Variants in UST observed in about 807,000 individuals in gnomAD.
UST encodes the protein chondroitin sulfate 2-O-sulfotransferase.
Under a neutral mutation model 45.6 loss-of-function variants are expected in UST, and 21 were observed. That is an observed-to-expected ratio of 0.46 (90% CI 0.33 to 0.66). The LOEUF is 0.66. Among genes scored for constraint, UST ranks in the 30% least tolerant of loss-of-function variants. The pLI is 0.02. For synonymous variants in UST, 215 were observed against 200.6 expected (o/e 1.07, Z -0.61); for missense variants, 463 against 512.4 (o/e 0.90, Z 0.93).
At chr6:149,066,447 A>G (rs569230947) in intron 7 of UST, among the ~76,000 whole-genome samples, 1 of 152,188 alleles carries the variant, frequency 6.6e-6, no homozygotes, top group South Asian at 2.1e-4. Flanking sequence ...ACAATGAAGA[A>G]GAGGGGGTGG....
At chr6:148,803,959 C>T (rs1041217526) in intron 1 of UST, among the ~76,000 whole-genome samples, 7 of 152,224 alleles carry the variant, frequency 4.6e-5, no homozygotes, top group Non-Finnish European at 1.0e-4. Flanking sequence ...TCCATCATCT[C>T]CCTGGCTTGA....
chr6:148,818,911 C>T (rs1043775233), intron 1 of UST, among the ~76,000 whole-genome samples: 5 of 152,138 alleles, frequency 3.3e-5, no homozygotes, highest in African/African-American at 1.2e-4. Context: ...TTCCTGCTTT[C>T]CAGTGCCCAA....
chr6:148,936,610 T>C (rs1011049834), intron 2 of UST, among the ~76,000 whole-genome samples: 2 of 141,248 alleles, frequency 1.4e-5, no homozygotes, highest in Non-Finnish European at 3.0e-5. Flanking sequence ...TTGCCATCTT[T>C]CCAGAAAGTG....
intron 1 of UST, among the ~76,000 whole-genome samples, chr6:148,828,893 T>C (rs1341565843): frequency 1.3e-5 from 2 of 152,246 alleles, no homozygotes; most frequent in Non-Finnish European, 2.9e-5. Context: ...GCGGTTAACT[T>C]TTCATTAGTG....
chr6:148,961,616 A>G (rs911991341), intron 4 of UST, among the ~76,000 whole-genome samples: 1 of 152,264 alleles, frequency 6.6e-6, no homozygotes, highest in African/African-American at 2.4e-5. Context: ...AAATGTGCAT[A>G]AAAGGAAAAT....
chr6:148,784,532 C>A (rs1776702983), intron 1 of UST, among the ~76,000 whole-genome samples: 1 of 152,208 alleles, frequency 6.6e-6, no homozygotes. Flanking sequence ...GCAAATCATA[C>A]CTCTGTCTGT....
intron 1 of UST, among the ~76,000 whole-genome samples, chr6:148,822,570 T>C (rs1487666668): frequency 6.6e-6 from 1 of 152,238 alleles, no homozygotes; most frequent in Non-Finnish European, 1.5e-5. Flanking sequence ...GCATAGTCTG[T>C]AAAACCAAGC....
intron 7 of UST, among the ~76,000 whole-genome samples, chr6:149,029,127 A>C (rs1776096717): frequency 6.6e-6 from 1 of 151,996 alleles, no homozygotes; most frequent in Non-Finnish European, 1.5e-5. Context: ...AATTATGTCC[A>C]ATTTGAGGCC....
intron 1 of UST, among the ~76,000 whole-genome samples, chr6:148,869,077 A>T (rs1376264225): frequency 3.3e-5 from 5 of 152,222 alleles, no homozygotes; most frequent in Non-Finnish European, 7.3e-5. Context: ...TAAGTAGATC[A>T]CTACCTTGGG....
intron 5 of UST, among the ~76,000 whole-genome samples, chr6:148,967,814 G>A (rs1004976930): frequency 1.3e-5 from 2 of 152,338 alleles, no homozygotes; most frequent in African/African-American, 4.8e-5. Context: ...CCAAAATTCG[G>A]GCAGTTCTGC....
intron 7 of UST, among the ~76,000 whole-genome samples, chr6:149,045,764 T>C (rs936982680): frequency 6.6e-6 from 1 of 152,228 alleles, no homozygotes; most frequent in African/African-American, 2.4e-5. Flanking sequence ...AACCCCCTTC[T>C]AGTTCTCCAT....
intron 1 of UST, among the ~76,000 whole-genome samples, chr6:148,772,135 G>A (rs1776440851): frequency 1.3e-5 from 2 of 152,312 alleles, no homozygotes; most frequent in African/African-American, 4.8e-5. Flanking sequence ...CAGTTTAGGT[G>A]TCCTACTTTT....
chr6:148,861,675 C>T (rs1265482302), intron 1 of UST, among the ~76,000 whole-genome samples: 3 of 152,176 alleles, frequency 2.0e-5, no homozygotes, highest in Non-Finnish European at 4.4e-5. Flanking sequence ...TTAAATGTGT[C>T]CCAGAGATTC....
chr6:148,973,725 G>A (rs1780964945), intron 5 of UST, among the ~76,000 whole-genome samples: 1 of 152,114 alleles, frequency 6.6e-6, no homozygotes, highest in African/African-American at 2.4e-5. Context: ...CTACCCAGCT[G>A]TTTTACATAC....
chr6:148,759,644 C>T (rs1776169142), intron 1 of UST, among the ~76,000 whole-genome samples: 2 of 151,500 alleles, frequency 1.3e-5, no homozygotes, highest in East Asian at 1.9e-4. Flanking sequence ...GTGAGGAGAT[C>T]GAGACCGTCC....
intron 5 of UST, among the ~76,000 whole-genome samples, chr6:148,992,821 T>G (rs998303974): frequency 3.3e-5 from 5 of 152,208 alleles, no homozygotes; most frequent in Admixed American, 2.0e-4. Context: ...AGGAAAGAAA[T>G]AACCAATACT....
intron 2 of UST, among the ~76,000 whole-genome samples, chr6:148,937,397 C>A (rs1417745645): frequency 6.6e-6 from 1 of 152,156 alleles, no homozygotes; most frequent in Admixed American, 6.5e-5. Flanking sequence ...TTCTTATAGA[C>A]GCGTTCTTTT....
chr6:149,040,315 A>AT (rs1161583986), intron 7 of UST, among the ~76,000 whole-genome samples: 1 of 151,768 alleles, frequency 6.6e-6, no homozygotes, highest in Non-Finnish European at 1.5e-5. Context: ...TATTATTTGT[A>AT]TTTTTTCCTG....
chr6:149,040,648 T>G lies in UST; in HGVS notation c.937+19167T>G, dbSNP rs560648177. On this transcript the variant is annotated intron_variant, in intron 7 of 7. Transcript: ENST00000367463. ...CCAGCCTGGGCAACAAAAGTGAAAC[T>G]CCTTCTCAATTAATTAGTTAATTAA... Among the ~76,000 whole-genome samples, 610 of 152,226 alleles carry G rather than the reference T, an allele frequency of 4.0e-3. 5 individuals are homozygous for G. Among genetic ancestry groups the G allele is most frequent in the African/African-American group, 0.014 (571 of 41,540 alleles).
Sources: allele counts gnomAD v4.1 joint callset (sites outside exome capture counted in the v4.1 genomes callset), GRCh38; gene constraint gnomAD v4.1.1; transcripts MANE v1.5; gene names NCBI Gene and HGNC (gene_info 2026-07-23, HGNC 2026-07-21).